The following MEF2A variants were observed in gnomAD, a reference collection of about 807,000 sequenced individuals.
The protein encoded by MEF2A is myocyte enhancer factor 2A, also known as myocyte-specific enhancer factor 2A.
In MEF2A, 28 loss-of-function variants were observed where a neutral mutation model predicts 55.8. The observed-to-expected ratio is 0.50, with a 90% CI of 0.37 to 0.69. The LOEUF (loss-of-function observed/expected upper bound fraction) is 0.69, where lower values mean the gene tolerates loss of function less well. Ranked by LOEUF, MEF2A falls within the 30% of genes least tolerant of loss-of-function variation. The pLI, the probability that MEF2A is intolerant of heterozygous loss-of-function variation, is 0.00. For missense variants in MEF2A, 528 were observed against 626.2 expected, an observed-to-expected ratio of 0.84 and a Z score of 1.67; for synonymous variants, 239 against 227.1, an observed-to-expected ratio of 1.05 and a Z score of -0.47.
chr15:99,662,607 C>T (rs2048846739), intron 4 of MEF2A, among the ~76,000 whole-genome samples: 1 of 151,964 alleles, frequency 6.6e-6, no homozygotes, highest in Non-Finnish European at 1.5e-5. Flanking sequence ...TCCTGAGTAC[C>T]TGGAATTACA....
upstream of MEF2A, chr15:99,565,784 C>T (rs984366064): frequency 1.3e-5 from 2 of 150,900 alleles, no homozygotes; most frequent in Admixed American, 1.3e-4. Context: ...TTTCCCATTC[C>T]AATTACTCTA....
intron 1 of MEF2A, among the ~76,000 whole-genome samples, chr15:99,595,403 C>G (rs1203191227): frequency 6.6e-6 from 1 of 152,020 alleles, no homozygotes; most frequent in African/African-American, 2.4e-5. Flanking sequence ...TTTCCACCAA[C>G]CTACCACCTA....
At chr15:99,629,229 TC>T (rs2042534459) in intron 2 of MEF2A, among the ~76,000 whole-genome samples, 1 of 152,092 alleles carries the variant, frequency 6.6e-6, no homozygotes, top group African/African-American at 2.4e-5. Flanking sequence ...GGTCAGGAGA[TC>T]GAGACCGTCC....
chr15:99,584,247 T>C (rs980159166), intron 1 of MEF2A, among the ~76,000 whole-genome samples: 4 of 152,172 alleles, frequency 2.6e-5, no homozygotes, highest in Non-Finnish European at 5.9e-5. Flanking sequence ...TCAGCCAATA[T>C]GTGGATCACT....
chr15:99,622,033 A>C (rs569258482), intron 2 of MEF2A, among the ~76,000 whole-genome samples: 1 of 152,364 alleles, frequency 6.6e-6, no homozygotes, highest in African/African-American at 2.4e-5. Context: ...TCTTTAAAAC[A>C]GTAAACAAAA....
rs986395852 is a variant in MEF2A, at chr15:99,695,576, A to C, written c.858+5148A>C. On this transcript the variant is annotated intron_variant, in intron 8 of 11. Transcript: ENST00000557942. ...GTGTGTGTGTGTGTGTGTGTTTCTTAAAAAGCAATGTGGTGGCTCATGCCT... is the reference window on the plus strand; with the variant it reads ...GTGTGTGTGTGTGTGTGTGTTTCTTCAAAAGCAATGTGGTGGCTCATGCCT... Among the ~76,000 whole-genome samples, 205 of 65,108 alleles carry C rather than the reference A, an allele frequency of 3.1e-3. 1 individual carries two copies. The highest frequency in any genetic ancestry group is 7.9e-3 in the Non-Finnish European group (169 of 21,514). 42.7% of individuals were successfully genotyped at this position (65,108 alleles called of 152,430 possible).
chr15:99,666,676 T>G (rs990239251), intron 4 of MEF2A, among the ~76,000 whole-genome samples: 2 of 151,900 alleles, frequency 1.3e-5, no homozygotes, highest in African/African-American at 4.8e-5. Flanking sequence ...TAAAACTGGT[T>G]TAATTAATGC....
At chr15:99,593,182 A>T (rs1470892787) in intron 1 of MEF2A, among the ~76,000 whole-genome samples, 1 of 152,084 alleles carries the variant, frequency 6.6e-6, no homozygotes, top group African/African-American at 2.4e-5. Context: ...CCTTTTTGCT[A>T]ATCTGTCGCA....
intron 2 of MEF2A, among the ~76,000 whole-genome samples, chr15:99,615,402 T>G (rs141675145): frequency 2.0e-4 from 31 of 152,310 alleles, no homozygotes; most frequent in Admixed American, 3.3e-4. Context: ...GATTATCACT[T>G]AAGTAATGGG....
At chr15:99,613,023 C>T (rs541034458) in intron 2 of MEF2A, among the ~76,000 whole-genome samples, 106 of 152,030 alleles carry the variant, frequency 7.0e-4, no homozygotes, top group African/African-American at 2.3e-3. Context: ...AATTGCAGTG[C>T]GTAGATATAA....
intron 1 of MEF2A, among the ~76,000 whole-genome samples, chr15:99,595,223 A>T (rs144784595): frequency 1.4e-3 from 209 of 152,304 alleles, no homozygotes; most frequent in Non-Finnish European, 2.4e-3. Flanking sequence ...AATGACATGT[A>T]AAGCAATTAG....
At chr15:99,667,045 A>G (rs2049910337) in intron 4 of MEF2A, among the ~76,000 whole-genome samples, 1 of 152,180 alleles carries the variant, frequency 6.6e-6, no homozygotes, top group African/African-American at 2.4e-5. Context: ...TTTTTAGAAA[A>G]TTTTAAAGAA....
At chr15:99,661,463 A>G (rs958092070) in intron 4 of MEF2A, among the ~76,000 whole-genome samples, 1 of 150,890 alleles carries the variant, frequency 6.6e-6, no homozygotes, top group African/African-American at 2.4e-5. Context: ...TTTACAATGT[A>G]TAAAATTAGC....
At chr15:99,685,316 C>G (rs2054015751) in intron 7 of MEF2A, among the ~76,000 whole-genome samples, 1 of 152,132 alleles carries the variant, frequency 6.6e-6, no homozygotes, top group Admixed American at 6.5e-5. Context: ...TTTATTCTAC[C>G]CATCCGTGAG....
intron 1 of MEF2A, among the ~76,000 whole-genome samples, chr15:99,598,092 G>A (rs538490493): frequency 1.3e-5 from 2 of 152,154 alleles, no homozygotes; most frequent in African/African-American, 4.8e-5. Context: ...TAGGCTATAC[G>A]CACAGTACAG....
At chr15:99,660,756 C>CTAAG (rs1463997750) in intron 4 of MEF2A, among the ~76,000 whole-genome samples, 2 of 152,108 alleles carry the variant, frequency 1.3e-5, no homozygotes, top group Admixed American at 6.5e-5. Context: ...TATATTATGA[C>CTAAG]TAAGTTGAAT....
At chr15:99,659,592 G>A in intron 4 of MEF2A, among the ~76,000 whole-genome samples, 1 of 152,150 alleles carries the variant, frequency 6.6e-6, no homozygotes, top group East Asian at 1.9e-4. Flanking sequence ...AATGAGCATA[G>A]CATATTGGAA....
chr15:99,571,574 C>T (rs1391418690), intron 1 of MEF2A, among the ~76,000 whole-genome samples: 1 of 152,166 alleles, frequency 6.6e-6, no homozygotes, highest in Non-Finnish European at 1.5e-5. Flanking sequence ...TAGCGCTAAT[C>T]TGAAAAGGCC....
chr15:99,596,757 T>A (rs1172253844), intron 1 of MEF2A, among the ~76,000 whole-genome samples: 1 of 152,196 alleles, frequency 6.6e-6, no homozygotes, highest in Non-Finnish European at 1.5e-5. Context: ...AATGTCCTGC[T>A]CTATCTTCAA....
Sources: allele counts gnomAD v4.1 joint callset (sites outside exome capture counted in the v4.1 genomes callset), GRCh38; gene constraint gnomAD v4.1.1; transcripts MANE v1.5; gene names NCBI Gene and HGNC (gene_info 2026-07-23, HGNC 2026-07-21).